The following RAB27B variants were observed in gnomAD, a reference collection of about 807,000 sequenced individuals.
RAB27B encodes ras-related protein Rab-27B.
Under a neutral mutation model 24.6 loss-of-function variants are expected in RAB27B, and 15 were observed. The observed-to-expected ratio is 0.61, with a 90% CI of 0.41 to 0.94. The LOEUF (loss-of-function observed/expected upper bound fraction) is 0.94. Among genes scored for constraint, RAB27B ranks in the 40% least tolerant of loss-of-function variants. The pLI is 0.00. For synonymous variants in RAB27B, 105 were observed against 92.5 expected (o/e 1.14, Z -0.78); for missense variants, 261 against 266.8 (o/e 0.98, Z 0.15).
chr18:54,823,208 C>G (rs1178982401), intron 2 of RAB27B, among the ~76,000 whole-genome samples: 1 of 152,192 alleles, frequency 6.6e-6, no homozygotes, highest in East Asian at 1.9e-4. Context: ...ACTAGCATGG[C>G]CTGGAAGTCC....
intron 1 of RAB27B, among the ~76,000 whole-genome samples, chr18:54,866,282 T>TCCCCGCCC (rs1912220494): frequency 8.0e-6 from 1 of 125,210 alleles, no homozygotes; most frequent in Non-Finnish European, 1.7e-5. Context: ...CCTCCCCGCC[T>TCCCCGCCC]CCCCGCCCCT....
chr18:54,872,139 T>C (rs982505800), intron 1 of RAB27B, among the ~76,000 whole-genome samples: 1 of 152,164 alleles, frequency 6.6e-6, no homozygotes, highest in Non-Finnish European at 1.5e-5. Flanking sequence ...TGGATGCTTA[T>C]ACGGAGGAGC....
chr18:54,810,888 A>G (rs1022250378), intron 2 of RAB27B, among the ~76,000 whole-genome samples: 2 of 149,176 alleles, frequency 1.3e-5, no homozygotes, highest in African/African-American at 4.9e-5. Context: ...AAATAAGAAA[A>G]CCTCTGTGAA....
At chr18:54,791,482 G>A (rs1427381503) in intron 2 of RAB27B, among the ~76,000 whole-genome samples, 1 of 152,184 alleles carries the variant, frequency 6.6e-6, no homozygotes, top group East Asian at 1.9e-4. Context: ...AGCTGAGGCA[G>A]GAGGTCACTT....
chr18:54,827,905 T>G (rs1285154222), upstream of RAB27B, among the ~76,000 whole-genome samples: 1 of 152,186 alleles, frequency 6.6e-6, no homozygotes, highest in Non-Finnish European at 1.5e-5. Context: ...TAACAAATAC[T>G]GGTTCAATGC....
At chr18:54,819,531 C>CAAAAAAA (rs33940922) in intron 2 of RAB27B, among the ~76,000 whole-genome samples, 1 of 65,180 alleles carries the variant, frequency 1.5e-5, no homozygotes, top group Non-Finnish European at 3.0e-5. Flanking sequence ...GACTCCATCT[C>CAAAAAAA]AAAAAAAAAA....
intron 2 of RAB27B, among the ~76,000 whole-genome samples, chr18:54,780,377 C>T (rs1361244185): frequency 2.2e-5 from 3 of 136,314 alleles, no homozygotes; most frequent in Non-Finnish European, 3.2e-5. Flanking sequence ...TGTGTCTCCC[C>T]CGTGCTGACT....
chr18:54,838,807 G>A (rs1910995360), intron 1 of RAB27B, among the ~76,000 whole-genome samples: 1 of 151,958 alleles, frequency 6.6e-6, no homozygotes, highest in African/African-American at 2.4e-5. Flanking sequence ...TTTTTCTTAA[G>A]CATTTGGCTA....
At chr18:54,761,960 T>C (rs1472546556) in intron 2 of RAB27B, among the ~76,000 whole-genome samples, 1 of 152,102 alleles carries the variant, frequency 6.6e-6, no homozygotes, top group African/African-American at 2.4e-5. Flanking sequence ...CCTAATGGAT[T>C]AGGATGGGCT....
intron 2 of RAB27B, among the ~76,000 whole-genome samples, chr18:54,878,531 T>C (rs558922083): frequency 2.0e-4 from 30 of 152,284 alleles, no homozygotes; most frequent in Non-Finnish European, 4.3e-4. Context: ...ACGGTTTTTT[T>C]ATAATGTGCT....
intron 2 of RAB27B, among the ~76,000 whole-genome samples, chr18:54,752,831 T>A (rs1428917435): frequency 1.3e-5 from 2 of 152,188 alleles, no homozygotes; most frequent in East Asian, 3.9e-4. Context: ...GTTGCCTGCC[T>A]TGGGGAGTCT....
intron 2 of RAB27B, among the ~76,000 whole-genome samples, chr18:54,761,329 AGTT>A (rs1908183050): frequency 1.3e-5 from 2 of 152,168 alleles, no homozygotes; most frequent in Non-Finnish European, 1.5e-5. Flanking sequence ...CAAAATATAG[AGTT>A]GTTACAGTCC....
chr18:54,792,746 C>T (rs977768720), intron 2 of RAB27B, among the ~76,000 whole-genome samples: 2 of 152,186 alleles, frequency 1.3e-5, no homozygotes, highest in African/African-American at 4.8e-5. Context: ...TGAAGATCTA[C>T]ACTGGATTAC....
rs140232029 is a variant in RAB27B at position 54,737,569 on chromosome 18, G to A, written c.-20+19428G>A. On this transcript the variant is annotated intron_variant, in intron 2 of 4. Transcript: ENST00000586570. The stretch of plus-strand genomic sequence containing the variant: ...ACTCTGTTAGAAATACGTGTTGCTG[G>A]GTTTGGCATCTTTCTCGAATGTGAG... 2.0e-3 allele frequency among the ~76,000 whole-genome samples: 309 copies of A among 152,054 alleles called. 2 individuals carry two copies. The highest frequency in any genetic ancestry group is 7.2e-3 in the African/African-American group (299 of 41,474).
At chr18:54,789,628 G>T (rs527303168) in intron 2 of RAB27B, among the ~76,000 whole-genome samples, 1 of 151,466 alleles carries the variant, frequency 6.6e-6, no homozygotes, top group Admixed American at 6.6e-5. Flanking sequence ...TTTGAACTTG[G>T]TAAGATGTTG....
At position 54,882,236 on chromosome 18, in the gene RAB27B, A is replaced by G. The variant is rs533643505; in HGVS notation, c.240-2097A>G. ...CCCATCTTTTGGTATGAAAAGTATCATTCTCTGTTGCAGTCATTTAAAATA... is the reference window on the plus strand; with the variant it reads ...CCCATCTTTTGGTATGAAAAGTATCGTTCTCTGTTGCAGTCATTTAAAATA... On this transcript the variant is annotated intron_variant, in intron 3 of 5. Transcript: ENST00000262094. 4.6e-5 allele frequency among the ~76,000 whole-genome samples: 7 copies of G among 152,306 alleles called. No homozygotes were observed. In the East Asian group the frequency reaches 1.4e-3, roughly 29 times the overall value.
upstream of RAB27B, among the ~76,000 whole-genome samples, chr18:54,826,625 G>A (rs1424500181): frequency 6.6e-6 from 1 of 152,156 alleles, no homozygotes; most frequent in Non-Finnish European, 1.5e-5. Context: ...GGCAAGGAGA[G>A]TCATCAATAA....
chr18:54,846,760 A>T (rs536536542), intron 1 of RAB27B, among the ~76,000 whole-genome samples: 2 of 152,238 alleles, frequency 1.3e-5, no homozygotes, highest in Non-Finnish European at 2.9e-5. Flanking sequence ...AAATTCTAAG[A>T]GTAACTTTAT....
upstream of RAB27B, among the ~76,000 whole-genome samples, chr18:54,825,924 T>C (rs928213828): frequency 6.6e-6 from 1 of 152,234 alleles, no homozygotes; most frequent in African/African-American, 2.4e-5. Flanking sequence ...GCAGGAAGAA[T>C]TGGCTTGCTT....
Sources: allele counts gnomAD v4.1 joint callset (sites outside exome capture counted in the v4.1 genomes callset), GRCh38; gene constraint gnomAD v4.1.1; transcripts MANE v1.5; gene names NCBI Gene and HGNC (gene_info 2026-07-23, HGNC 2026-07-21).